Variants in ARFRP1 observed in about 807,000 individuals in gnomAD.
ARFRP1 encodes ADP-ribosylation factor-related protein 1.
ARFRP1 carries 19 observed loss-of-function variants against 30.3 expected under a neutral mutation model. The observed-to-expected ratio is 0.63, with a 90% confidence interval of 0.44 to 0.92. The LOEUF (loss-of-function observed/expected upper bound fraction) is 0.92, where lower values mean the gene tolerates loss of function less well. Ranked by LOEUF, ARFRP1 falls within the 40% of genes least tolerant of loss-of-function variation. The probability of loss-of-function intolerance (pLI) is 0.00; values close to 1 mark genes in which losing one functional copy is unlikely to be tolerated. For synonymous variants in ARFRP1, 133 were observed against 114.2 expected (o/e 1.16, Z -1.05); for missense variants, 245 against 267.5 (o/e 0.92, Z 0.59).
chr20:63,706,051 CCT>C (rs1345716569), intron 4 of ARFRP1: 6 of 381,346 alleles, frequency 1.6e-5, no homozygotes, highest in Admixed American at 3.7e-5. Context: ...AACAGGTTCC[CCT>C]AATACATGCT....
intron 3 of ARFRP1, 39 bp downstream of exon 3, chr20:63,706,612 C>T: frequency 6.4e-7 from 1 of 1,564,538 alleles, no homozygotes. Flanking sequence ...ACGGCATCCT[C>T]AAGGCCCCAA....
At chr20:63,706,203 A>G (rs770043967) in intron 4 of ARFRP1, 154 bp downstream of exon 4, 2 of 718,474 alleles carry the variant, frequency 2.8e-6, no homozygotes, top group African/African-American at 1.8e-5. Flanking sequence ...GGGACAAAAC[A>G]GGGAGCCACT....
chr20:63,701,806 G>T (rs755942431), intron 6 of ARFRP1, 24 bp downstream of exon 6: 1 of 1,548,834 alleles, frequency 6.5e-7, no homozygotes, highest in Non-Finnish European at 8.7e-7. Context: ...GGAAGCTGCT[G>T]CGGGAGGCAG....
In ARFRP1 at chr20:63,698,763, C is replaced by T. The variant is rs564179863; in HGVS notation, c.*1680G>A. The T allele has an allele frequency of 2.3e-5, 13 of 572,892 alleles. No individual in the cohort carries two copies. In the Admixed American group the frequency reaches 4.9e-4, roughly 22 times the overall value. 35.5% of individuals were successfully genotyped at this position (572,892 alleles called of 1,614,324 possible). On this transcript the variant is annotated 3_prime_UTR_variant, in exon 8 of 8. Transcript: ENST00000622789. Reference sequence around the variant, plus strand: ...CGCTGTGCCCAGATCCCTCAGGCTGCCTGCCATCAGAACTGCTGCCCGGGG... The same window carrying T: ...CGCTGTGCCCAGATCCCTCAGGCTGTCTGCCATCAGAACTGCTGCCCGGGG...
At chr20:63,701,450 G>A (rs2091201287) in intron 6 of ARFRP1, 1 of 491,894 alleles carries the variant, frequency 2.0e-6, no homozygotes, top group Admixed American at 2.5e-5. Context: ...AGGGTAGCAG[G>A]AACAGGTAAG....
In ARFRP1 at chr20:63,700,888, G is replaced by A; in HGVS notation, c.418-186C>T. 5.3e-6 allele frequency: 4 copies of A among 751,228 alleles called. No individual in the cohort carries two copies. In the South Asian group the frequency reaches 7.4e-5, roughly 14 times the overall value. The allele number at this position is 751,228 out of a possible 1,614,324, so 46.5% of individuals were successfully genotyped here. A position where few individuals can be genotyped will look rare whatever the true frequency, so the allele number is the denominator to read the frequency against. ...CTGTGCTCAGCCCGAGGCTGAACATGGCTGGTAGTGCCTGAGACAAACTAG... is the reference window on the plus strand; with the variant it reads ...CTGTGCTCAGCCCGAGGCTGAACATAGCTGGTAGTGCCTGAGACAAACTAG... On this transcript the variant is annotated intron_variant, in intron 6 of 7. Coordinates refer to ENST00000622789, the MANE Select transcript of ARFRP1 (RefSeq NM_001267547.3).
At position 63,701,884 on chromosome 20, in the gene ARFRP1, G is replaced by C; in HGVS notation, c.363C>G (p.Ser121Arg). The C allele has an allele frequency of 6.5e-7, 1 of 1,550,118 alleles. No individual in the cohort carries two copies. The highest frequency in any genetic ancestry group is 8.7e-7 in the Non-Finnish European group (1 of 1,146,938). ...AGACGGGGACACCGCACAGCGCCTC[G>C]CTGGTCACCACCTTCTCTGGGGAGG... ...SKQAFEKVVTSEALCGVPVLV... is the reference protein window; with the variant it reads ...SKQAFEKVVTREALCGVPVLV... Residue 121 changes from serine (S) to arginine (R), a missense_variant, in exon 6 of 8, where the codon AGC becomes AGG. Physicochemically the swap from Ser to Arg is moderately radical, Grantham distance 110. Coordinates refer to ENST00000622789, the MANE Select transcript of ARFRP1 (RefSeq NM_001267547.3).
At position 63,702,723 on chromosome 20, in the gene ARFRP1, G is replaced by A. The variant is rs185206137; in HGVS notation, c.265-506C>T. The stretch of plus-strand genomic sequence containing the variant: ...CACTCCAGCCTGGGTGAGAATGAGA[G>A]ACCCTGTCTCAAAAAAAAGATAGGG... On this transcript the variant is annotated intron_variant, in intron 4 of 7. Coordinates refer to ENST00000622789, the MANE Select transcript of ARFRP1 (RefSeq NM_001267547.3). 2.5e-3 allele frequency: 401 copies of A among 157,758 alleles called. 2 individuals carry two copies. In the Middle Eastern group the frequency reaches 0.06, roughly 24 times the overall value. 9.8% of individuals were successfully genotyped at this position (157,758 alleles called of 1,614,324 possible). A position where few individuals can be genotyped will look rare whatever the true frequency, so the allele number is the denominator to read the frequency against.
Position 63,700,687 on chromosome 20 carries a change from G to T in ARFRP1, c.433C>A (p.Pro145Thr), listed in dbSNP as rs780143365. The change falls in exon 7 of 8, where the codon CCT becomes ACT. Residue 145 changes from proline (P) to threonine (T), a missense_variant. Coordinates refer to ENST00000622789, the MANE Select transcript of ARFRP1 (RefSeq NM_001267547.3). ...TCGCTGAAGGCCGTCTTGATGTCAG[G>T]GATTGAGAGGCACGTCTGGGGGAGG... ...KQDVETCLSI[P>T]DIKTAFSDCT... 6.2e-6 allele frequency: 10 copies of T among 1,610,892 alleles called. No homozygotes were observed. Among genetic ancestry groups the T allele is most frequent in the Non-Finnish European group, 8.5e-6 (10 of 1,179,872 alleles).
intron 5 of ARFRP1, 104 bp from the exon 6 acceptor site, chr20:63,702,004 C>CCCA: frequency 1.1e-6 from 1 of 918,936 alleles, no homozygotes; most frequent in East Asian, 2.9e-5. Flanking sequence ...CTCTGCCCCC[C>CCCA]CCCCCCCCGT....
At chr20:63,701,314 C>A (rs750792384) in intron 6 of ARFRP1, 4 of 532,250 alleles carry the variant, frequency 7.5e-6, no homozygotes, top group Non-Finnish European at 1.5e-5. Flanking sequence ...CGGGCTGCTT[C>A]TGTGCAAAGC....
intron 4 of ARFRP1, chr20:63,702,510 T>C: frequency 2.5e-6 from 1 of 400,542 alleles, no homozygotes; most frequent in African/African-American, 2.1e-5. Flanking sequence ...CCCAACACTT[T>C]GGGAGGCAGA....
chr20:63,707,131 G>C (rs752739881), intron 1 of ARFRP1, 34 bp from the exon 2 acceptor site: 8 of 1,551,340 alleles, frequency 5.2e-6, no homozygotes, highest in Admixed American at 3.8e-5. Context: ...TGTGCAGCCA[G>C]AAAGCACCTC....
chr20:63,700,413 C>T lies in ARFRP1; in HGVS notation c.*30G>A. ...AGGCCACTCCTCCAGCACCAGGGGA[C>T]CAGCCGTCCCGACGGCAGCGCGGCT... On this transcript the variant is annotated 3_prime_UTR_variant, in exon 8 of 8. Transcript: ENST00000622789. The T allele has an allele frequency of 6.2e-7, 1 of 1,603,436 alleles. No individual in the cohort carries two copies. Among genetic ancestry groups the T allele is most frequent in the Non-Finnish European group, 8.5e-7 (1 of 1,179,424 alleles).
At chr20:63,701,777 G>C in intron 6 of ARFRP1, 53 bp downstream of exon 6, 1 of 1,492,132 alleles carries the variant, frequency 6.7e-7, no homozygotes, top group South Asian at 1.2e-5. Context: ...CCCTTGCTGT[G>C]GGGGAGGCTG....
In ARFRP1 at chr20:63,702,177, G is replaced by A; in HGVS notation, c.305C>T (p.Ser102Phe). The change falls in exon 5 of 8, where the codon TCC (serine) becomes TTC (phenylalanine). Residue 102 changes from serine (S) to phenylalanine (F), a missense_variant. Ser to Phe is a radical substitution (Grantham distance 155, BLOSUM62 -2). Transcript: ENST00000622789. Reference protein sequence around the residue: ...ECHGVIYVIDSTDEERLAESK... With the variant: ...ECHGVIYVIDFTDEERLAESK... ...CTCAGCCAGCCTCTCCTCGTCGGTG[G>A]AGTCAATGACGTAGATGACGCCGTG... 6.2e-7 allele frequency: 1 copy of A among 1,612,016 alleles called. No homozygotes were observed. Among genetic ancestry groups the A allele is most frequent in the Non-Finnish European group, 8.5e-7 (1 of 1,179,866 alleles).
In ARFRP1 at chr20:63,700,688, G is replaced by C; in HGVS notation, c.432C>G (p.Ile144Met). The C allele has an allele frequency of 6.2e-7, 1 of 1,610,932 alleles. No homozygotes were observed. Among genetic ancestry groups the C allele is most frequent in the Non-Finnish European group, 8.5e-7 (1 of 1,179,894 alleles). ...CGCTGAAGGCCGTCTTGATGTCAGGGATTGAGAGGCACGTCTGGGGGAGGT... is the reference window on the plus strand; with the variant it reads ...CGCTGAAGGCCGTCTTGATGTCAGGCATTGAGAGGCACGTCTGGGGGAGGT... Reference protein sequence around the residue: ...NKQDVETCLSIPDIKTAFSDC... With the variant: ...NKQDVETCLSMPDIKTAFSDC... The change falls in exon 7 of 8, where the codon ATC (isoleucine) becomes ATG (methionine). Residue 144 changes from isoleucine to methionine, a missense_variant. Physicochemically the swap from Ile to Met is conservative, Grantham distance 10. Transcript: ENST00000622789.
At position 63,700,151 on chromosome 20, in the gene ARFRP1, C is replaced by G; in HGVS notation, c.*292G>C. ...GAGCACTGGAGCCCCAATTCCCAACCAGGTCTCCCTCAGACCCCCCAGAAA... is the reference window on the plus strand; with the variant it reads ...GAGCACTGGAGCCCCAATTCCCAACGAGGTCTCCCTCAGACCCCCCAGAAA... On this transcript the variant is annotated 3_prime_UTR_variant, in exon 8 of 8. Transcript: ENST00000622789. The G allele has an allele frequency of 2.3e-6, 1 of 436,484 alleles. No homozygotes were observed. The highest frequency in any genetic ancestry group is 4.3e-6 in the Non-Finnish European group (1 of 233,542). The allele number at this position is 436,484 out of a possible 1,614,324, so 27.0% of individuals were successfully genotyped here.
chr20:63,701,704 G>A, intron 6 of ARFRP1, 126 bp downstream of exon 6: 1 of 861,078 alleles, frequency 1.2e-6, no homozygotes, highest in Non-Finnish European at 1.8e-6. Context: ...GGCAGGCCTT[G>A]AGAATGGCTC....
Sources: gnomAD v4.1 joint callset for allele counts on GRCh38, gnomAD v4.1.1 for gene constraint, MANE v1.5 for transcripts, NCBI Gene and HGNC (gene_info 2026-07-23, HGNC 2026-07-21) for gene names.